Variants in OLFML2A observed in about 807,000 individuals in gnomAD.
OLFML2A encodes olfactomedin like 2A, also known as olfactomedin-like protein 2A.
In OLFML2A, 47 loss-of-function variants were observed where a neutral mutation model predicts 60.9. That is an observed-to-expected ratio of 0.77 (90% confidence interval 0.61 to 0.98). OLFML2A has a LOEUF of 0.98. Among genes scored for constraint, OLFML2A ranks in the 50% least tolerant of loss-of-function variants. OLFML2A has a pLI of 0.00. For missense variants in OLFML2A, 922 were observed against 879.8 expected (o/e 1.05, Z -0.61); for synonymous variants, 372 against 375.0 (o/e 0.99, Z 0.09).
chr9:124,806,765 G>A (rs909279248), intron 6 of OLFML2A, among the ~76,000 whole-genome samples: 11 of 149,726 alleles, frequency 7.3e-5, no homozygotes, highest in East Asian at 3.9e-4. Context: ...ACCCACCACC[G>A]CACCCAGCTA....
At chr9:124,808,456 C>T (rs981162276) in intron 7 of OLFML2A, among the ~76,000 whole-genome samples, 4 of 152,126 alleles carry the variant, frequency 2.6e-5, no homozygotes, top group African/African-American at 9.7e-5. Context: ...CAGAATTCTG[C>T]TTATCAAACC....
chr9:124,808,960 AGCCTG>A (rs1314632345), intron 7 of OLFML2A, among the ~76,000 whole-genome samples: 1 of 151,828 alleles, frequency 6.6e-6, no homozygotes, highest in Non-Finnish European at 1.5e-5. Flanking sequence ...GTTCAAAACC[AGCCTG>A]GCCAACACGG....
chr9:124,808,459 A>G (rs984779638), intron 7 of OLFML2A, among the ~76,000 whole-genome samples: 3 of 152,206 alleles, frequency 2.0e-5, no homozygotes, highest in Non-Finnish European at 4.4e-5. Context: ...AATTCTGCTT[A>G]TCAAACCTGG....
rs144647292 is a variant in OLFML2A, at chr9:124,777,699, C to T, written c.90+339C>T. Among the ~76,000 whole-genome samples the T allele has an allele frequency of 1.3e-5, 2 of 152,246 alleles. No individual in the cohort carries two copies. The highest frequency in any genetic ancestry group is 4.8e-5 in the African/African-American group (2 of 41,564). On this transcript the variant is annotated intron_variant, in intron 1 of 7. Coordinates refer to ENST00000373580, the MANE Select transcript of OLFML2A (RefSeq NM_182487.4). The surrounding 1 kb of genome is among the most constrained non-coding windows in gnomAD (Gnocchi z 6.2). ...GGGGAAGCTCCTGGCAACTGTTACC[C>T]AACGACTCCCAGGCTTGCAGCAAGC...
In OLFML2A at chr9:124,804,123, G is replaced by A; in HGVS notation, c.949G>A (p.Glu317Lys). 1 of 1,614,126 alleles carries A rather than the reference G, an allele frequency of 6.2e-7. No individual in the cohort carries two copies. Among genetic ancestry groups the A allele is most frequent in the Non-Finnish European group, 8.5e-7 (1 of 1,180,002 alleles). Reference sequence around the variant, plus strand: ...CACCCTCCAGGGCACTTCCTGGCTGGAGCAACTGCCGCCCAAGGTGGAGGG... The same window carrying A: ...CACCCTCCAGGGCACTTCCTGGCTGAAGCAACTGCCGCCCAAGGTGGAGGG... ...DNTLQGTSWL[E>K]QLPPKVEGRS... The change falls in exon 6 of 8, where the codon GAG (glutamate) becomes AAG (lysine). Residue 317 changes from glutamate (E) to lysine (K), a missense_variant. Coordinates refer to ENST00000373580, the MANE Select transcript of OLFML2A (RefSeq NM_182487.4).
In OLFML2A at chr9:124,787,190, C is replaced by T. The variant is rs752387534; in HGVS notation, c.306C>T (p.Asn102=). ...APPSSLNPCE[N]EWKMEKLKKQ... is the part of the protein sequence containing the mutation. Reference sequence around the variant, plus strand: ...CCTCCTCTCTCAACCCCTGTGAGAACGAGTGGAAGATGGAGAAACTCAAAA... The same window carrying T: ...CCTCCTCTCTCAACCCCTGTGAGAATGAGTGGAAGATGGAGAAACTCAAAA... Residue 102 remains asparagine (N), a synonymous_variant, in exon 2 of 8, where the codon AAC becomes AAT. Transcript: ENST00000373580. The T allele has an allele frequency of 5.0e-5, 81 of 1,614,012 alleles. 2 individuals are homozygous for T. In the South Asian group the frequency reaches 8.5e-4, roughly 17 times the overall value.
intron 3 of OLFML2A, among the ~76,000 whole-genome samples, chr9:124,798,681 A>G (rs887353951): frequency 6.6e-6 from 1 of 151,760 alleles, no homozygotes; most frequent in Non-Finnish European, 1.5e-5. Context: ...TAAAAACACA[A>G]AAAATTAGCC....
In OLFML2A at chr9:124,809,909, A is replaced by G. The variant is rs766685476; in HGVS notation, c.1456A>G (p.Ile486Val). 4 of 1,614,074 alleles carry G rather than the reference A, an allele frequency of 2.5e-6. No individual in the cohort carries two copies. Among genetic ancestry groups the G allele is most frequent in the African/African-American group, 1.3e-5 (1 of 74,936 alleles). The change falls in exon 8 of 8, where the codon ATC becomes GTC. Residue 486 changes from isoleucine (I) to valine (V), a missense_variant. By Grantham distance (29) the Ile-to-Val change is conservative. Coordinates refer to ENST00000373580, the MANE Select transcript of OLFML2A (RefSeq NM_182487.4). ...FYYNRAFTKNIIKYDLRQRFV... is the reference protein window; with the variant it reads ...FYYNRAFTKNVIKYDLRQRFV... Reference sequence around the variant, plus strand: ...CTACAACCGCGCCTTCACCAAGAACATCATCAAGTACGACCTACGGCAGCG... The same window carrying G: ...CTACAACCGCGCCTTCACCAAGAACGTCATCAAGTACGACCTACGGCAGCG...
chr9:124,792,512 C>T (rs937905868), intron 2 of OLFML2A, among the ~76,000 whole-genome samples: 4 of 152,224 alleles, frequency 2.6e-5, no homozygotes, highest in South Asian at 2.1e-4. Context: ...TTATCACTCT[C>T]CTCAGTGCCT....
In OLFML2A at chr9:124,787,165, C is replaced by T; in HGVS notation, c.281C>T (p.Pro94Leu). 1 of 1,614,214 alleles carries T rather than the reference C, an allele frequency of 6.2e-7. No individual in the cohort carries two copies. The highest frequency in any genetic ancestry group is 8.5e-7 in the Non-Finnish European group (1 of 1,180,026). Residue 94 changes from proline to leucine, a missense_variant, in exon 2 of 8, where the codon CCC (proline) becomes CTC (leucine). Physicochemically the swap from Pro to Leu is moderately conservative, Grantham distance 98. Coordinates refer to ENST00000373580, the MANE Select transcript of OLFML2A (RefSeq NM_182487.4). ...TDCRCSCTAPPSSLNPCENEW... is the reference protein window; with the variant it reads ...TDCRCSCTAPLSSLNPCENEW... ...TGCCGCTGCTCCTGTACCGCACCTC[C>T]CTCCTCTCTCAACCCCTGTGAGAAC...
At position 124,791,462 on chromosome 9, in the gene OLFML2A, C is replaced by T. The variant is rs115810471; in HGVS notation, c.355-3562C>T. On this transcript the variant is annotated intron_variant, in intron 2 of 7. Transcript: ENST00000373580. Reference sequence around the variant, plus strand: ...GAGAAGTGAAATGAGGCAGGCCAGGCGCAGTGCATCATGAGTGTAATCCCA... The same window carrying T: ...GAGAAGTGAAATGAGGCAGGCCAGGTGCAGTGCATCATGAGTGTAATCCCA... Among the ~76,000 whole-genome samples the T allele has an allele frequency of 5.2e-3, 798 of 152,210 alleles. 8 individuals are homozygous for T. Among genetic ancestry groups the T allele is most frequent in the African/African-American group, 0.017 (726 of 41,532 alleles).
At chr9:124,799,673 G>A (rs984828383) in intron 4 of OLFML2A, among the ~76,000 whole-genome samples, 182 bp downstream of exon 4, 23 of 152,224 alleles carry the variant, frequency 1.5e-4, no homozygotes, top group African/African-American at 5.3e-4. Flanking sequence ...TGTACAGCAA[G>A]CACAGTCAGC....
chr9:124,777,809 C>A lies in OLFML2A; in HGVS notation c.90+449C>A, dbSNP rs2131233198. ...CAGCCGCGCTGGCCACTCGCCTGGCCTCTGATGTTCTTGCCAGGGACCGGG... is the reference window on the plus strand; with the variant it reads ...CAGCCGCGCTGGCCACTCGCCTGGCATCTGATGTTCTTGCCAGGGACCGGG... On this transcript the variant is annotated intron_variant, in intron 1 of 7. Transcript: ENST00000373580. This position sits in a 1 kb window ranked among gnomAD's most constrained non-coding sequence, Gnocchi z 6.2. Among the ~76,000 whole-genome samples the A allele has an allele frequency of 1.3e-5, 2 of 152,268 alleles. No individual in the cohort carries two copies. The highest frequency in any genetic ancestry group is 3.9e-4 in the East Asian group (2 of 5,170).
At position 124,809,885 on chromosome 9, in the gene OLFML2A, T is replaced by C. The variant is rs1841968652; in HGVS notation, c.1432T>C (p.Tyr478His). The C allele has an allele frequency of 6.2e-7, 1 of 1,614,040 alleles. No individual in the cohort carries two copies. Among genetic ancestry groups the C allele is most frequent in the Admixed American group, 1.7e-5 (1 of 59,996 alleles). The change falls in exon 8 of 8, where the codon TAC becomes CAC. Residue 478 changes from tyrosine (Y) to histidine (H), a missense_variant. Tyr to His is a moderately conservative substitution (Grantham distance 83, BLOSUM62 2). Transcript: ENST00000373580. Reference protein sequence around the residue: ...GHVVYQGAFYYNRAFTKNIIK... With the variant: ...GHVVYQGAFYHNRAFTKNIIK... ...CGTGGTGTACCAGGGCGCCTTCTACTACAACCGCGCCTTCACCAAGAACAT... is the reference window on the plus strand; with the variant it reads ...CGTGGTGTACCAGGGCGCCTTCTACCACAACCGCGCCTTCACCAAGAACAT...
chr9:124,807,665 A>G, intron 6 of OLFML2A, 116 bp from the exon 7 acceptor site: 2 of 763,380 alleles, frequency 2.6e-6, no homozygotes, highest in Non-Finnish European at 2.0e-6. Flanking sequence ...AAAGAAGGCC[A>G]CAAACAAAAT....
intron 7 of OLFML2A, among the ~76,000 whole-genome samples, chr9:124,808,187 A>G (rs765591219): frequency 6.6e-5 from 10 of 152,214 alleles, no homozygotes; most frequent in African/African-American, 9.6e-5. Context: ...CCTGCCAGGA[A>G]CCAGAATGCA....
chr9:124,786,491 C>T (rs187005852), intron 1 of OLFML2A, among the ~76,000 whole-genome samples: 12 of 151,952 alleles, frequency 7.9e-5, no homozygotes, highest in Admixed American at 1.3e-4. Context: ...GAGGCCGAGG[C>T]GGGCGGATCA....
At chr9:124,802,967 G>C (rs561268034) in intron 5 of OLFML2A, among the ~76,000 whole-genome samples, 22 of 152,012 alleles carry the variant, frequency 1.4e-4, no homozygotes, top group African/African-American at 4.8e-4. Context: ...GTGGTGCAGC[G>C]GTGCAATCTC....
At chr9:124,800,973 C>G in intron 4 of OLFML2A, 1 of 1,546,450 alleles carries the variant, frequency 6.5e-7, no homozygotes, top group Non-Finnish European at 8.8e-7. Context: ...TAGGAATGTT[C>G]CAGGCACTCT....
Sources: gnomAD v4.1 joint callset for allele counts (sites outside exome capture counted in the v4.1 genomes callset) on GRCh38, gnomAD v4.1.1 for gene constraint, Gnocchi (gnomAD v3.1) non-coding constraint, MANE v1.5 for transcripts, NCBI Gene and HGNC (gene_info 2026-07-23, HGNC 2026-07-21) for gene names.